The following DACH1 variants were observed in gnomAD, a reference collection of about 807,000 sequenced individuals.
The protein encoded by DACH1 is dachshund family transcription factor 1, also known as dachshund homolog 1.
A neutral mutation model predicts 54.2 loss-of-function variants in DACH1; 12 were observed. That is an observed-to-expected ratio of 0.22 (90% CI 0.14 to 0.36). DACH1 has a LOEUF of 0.36. Among genes scored for constraint, DACH1 ranks in the 10% least tolerant of loss-of-function variants. DACH1 has a pLI of 1.00. For missense variants in DACH1, 805 were observed against 929.8 expected (o/e 0.87, Z 1.75); for synonymous variants, 386 against 366.2 (o/e 1.05, Z -0.62).
At chr13:71,585,053 T>C (rs1593937411) in intron 3 of DACH1, among the ~76,000 whole-genome samples, 1 of 152,146 alleles carries the variant, frequency 6.6e-6, no homozygotes, top group South Asian at 2.1e-4. Flanking sequence ...AAAATAGACA[T>C]TGAAATCATT....
chr13:71,866,494 T>A lies in DACH1; in HGVS notation c.276A>T (p.Gly92=). ...SGGGGGSSGN[G]GGGGGGGGGS... is the part of the protein sequence containing the mutation. ...CACCGCCGCCGCCGCCACCGCCGCCTCCGTTGCCGCTGCTGCCGCCGCCGC... is the reference window on the plus strand; with the variant it reads ...CACCGCCGCCGCCGCCACCGCCGCCACCGTTGCCGCTGCTGCCGCCGCCGC... Residue 92 remains glycine, a synonymous_variant, in exon 1 of 11, where the codon GGA becomes GGT. Coordinates refer to ENST00000613252, the MANE Select transcript of DACH1 (RefSeq NM_080759.6). 8.2e-7 allele frequency: 1 copy of A among 1,226,928 alleles called. No individual in the cohort carries two copies. The highest frequency in any genetic ancestry group is 1.0e-6 in the Non-Finnish European group (1 of 984,790). 76.0% of individuals were successfully genotyped at this position (1,226,928 alleles called of 1,614,324 possible).
chr13:71,695,946 T>A (rs1319139806), intron 1 of DACH1, among the ~76,000 whole-genome samples: 1 of 152,176 alleles, frequency 6.6e-6, no homozygotes, highest in East Asian at 1.9e-4. Flanking sequence ...ACTATGACAC[T>A]CATACTTAGG....
rs914566476 is a variant in DACH1 at position 71,572,286 on chromosome 13, G to A, written c.1299+554C>T. Among the ~76,000 whole-genome samples, 8 of 151,996 alleles carry A rather than the reference G, an allele frequency of 5.3e-5. No individual in the cohort carries two copies. In the East Asian group the frequency reaches 5.8e-4, roughly 11 times the overall value. On this transcript the variant is annotated intron_variant, in intron 4 of 10. Coordinates refer to ENST00000613252, the MANE Select transcript of DACH1 (RefSeq NM_080759.6). ...ACAGATACACAGGGATAGAGGAGAC[G>A]GAATTGTGTATATATGCACATATGA... is the stretch of plus-strand genomic sequence containing the variant.
chr13:71,843,123 G>A (rs1002071017), intron 1 of DACH1, among the ~76,000 whole-genome samples: 2 of 151,692 alleles, frequency 1.3e-5, no homozygotes, highest in African/African-American at 2.4e-5. Flanking sequence ...AGGTGTATAC[G>A]TTACATGTTT....
chr13:71,463,109 A>G (rs1876245019), intron 10 of DACH1, among the ~76,000 whole-genome samples: 1 of 152,008 alleles, frequency 6.6e-6, no homozygotes. Flanking sequence ...CTCTCAGTTC[A>G]GCACTACTCT....
At chr13:71,801,021 T>A (rs546619898) in intron 1 of DACH1, among the ~76,000 whole-genome samples, 2 of 152,250 alleles carry the variant, frequency 1.3e-5, no homozygotes, top group South Asian at 4.1e-4. Flanking sequence ...ATAAAATATT[T>A]CAGAAGCCTT....
At chr13:71,524,671 T>C (rs1487209678) in intron 6 of DACH1, among the ~76,000 whole-genome samples, 1 of 152,146 alleles carries the variant, frequency 6.6e-6, no homozygotes, top group East Asian at 1.9e-4. Flanking sequence ...GCTTTTTTTC[T>C]TTTTTGGTGA....
intron 1 of DACH1, among the ~76,000 whole-genome samples, chr13:71,815,131 T>C (rs1404359799): frequency 2.0e-5 from 3 of 152,204 alleles, no homozygotes; most frequent in African/African-American, 7.2e-5. Context: ...TGCTTGACAC[T>C]TTGTTATGAC....
chr13:71,777,387 T>C (rs1263398270), intron 1 of DACH1, among the ~76,000 whole-genome samples: 1 of 152,130 alleles, frequency 6.6e-6, no homozygotes, highest in African/African-American at 2.4e-5. Context: ...GACATCTATA[T>C]CATAGGGTTA....
chr13:71,569,828 A>T (rs192594782), intron 4 of DACH1, among the ~76,000 whole-genome samples: 1 of 152,222 alleles, frequency 6.6e-6, no homozygotes, highest in African/African-American at 2.4e-5. Context: ...CATCTCTCAA[A>T]GTTCTATTTT....
At chr13:71,538,962 C>T (rs1593856812) in intron 6 of DACH1, among the ~76,000 whole-genome samples, 1 of 151,988 alleles carries the variant, frequency 6.6e-6, no homozygotes, top group South Asian at 2.1e-4. Context: ...ATGTTTATCA[C>T]ATAAAAGTCA....
chr13:71,824,242 A>G (rs1027722148), intron 1 of DACH1, among the ~76,000 whole-genome samples: 2 of 151,828 alleles, frequency 1.3e-5, no homozygotes, highest in Non-Finnish European at 2.9e-5. Flanking sequence ...TATTATTGGT[A>G]TTATTATTAT....
intron 1 of DACH1, among the ~76,000 whole-genome samples, chr13:71,724,505 A>G (rs370147302): frequency 6.6e-6 from 1 of 152,296 alleles, no homozygotes; most frequent in East Asian, 1.9e-4. Flanking sequence ...ACATTTGCCT[A>G]AAACCTGCTC....
At chr13:71,454,069 C>T (rs1276297604) in intron 10 of DACH1, among the ~76,000 whole-genome samples, 4 of 147,072 alleles carry the variant, frequency 2.7e-5, no homozygotes, top group Admixed American at 2.1e-4. Context: ...AGGCAAGAAG[C>T]ACATTGACAG....
At chr13:71,855,222 C>A (rs941341544) in intron 1 of DACH1, among the ~76,000 whole-genome samples, 7 of 151,924 alleles carry the variant, frequency 4.6e-5, no homozygotes, top group African/African-American at 1.7e-4. Context: ...AATAAAAAGT[C>A]TTTGGAATTC....
At chr13:71,632,436 T>TA (rs1294020065) in intron 2 of DACH1, among the ~76,000 whole-genome samples, 1 of 142,482 alleles carries the variant, frequency 7.0e-6, no homozygotes, top group Non-Finnish European at 1.5e-5. Context: ...TTTTTTTTTT[T>TA]ACTGTGGCTT....
chr13:71,579,298 A>C (rs1303913981), intron 3 of DACH1, among the ~76,000 whole-genome samples: 3 of 152,122 alleles, frequency 2.0e-5, no homozygotes, highest in Non-Finnish European at 4.4e-5. Context: ...TGCCCTATAT[A>C]CTCCACAATG....
Position 71,578,539 on chromosome 13 carries a change from C to A in DACH1, c.1127-5527G>T, listed in dbSNP as rs1432270712. On this transcript the variant is annotated intron_variant, in intron 3 of 10. Transcript: ENST00000613252. ...ATTTTGCATGAGTTGCGGAAACAGT[C>A]CTTTCATGAAAGTTATTGTAATATA... Among the ~76,000 whole-genome samples the A allele has an allele frequency of 2.6e-5, 4 of 152,168 alleles. No individual in the cohort carries two copies. In the East Asian group the frequency reaches 7.7e-4, roughly 29 times the overall value.
intron 2 of DACH1, among the ~76,000 whole-genome samples, chr13:71,638,670 C>T (rs1368922272): frequency 3.3e-5 from 5 of 152,096 alleles, no homozygotes; most frequent in Non-Finnish European, 7.4e-5. Flanking sequence ...TATTAAATTA[C>T]TTCAACCAGA....
Sources: gnomAD v4.1 joint callset for allele counts (sites outside exome capture counted in the v4.1 genomes callset) on GRCh38, gnomAD v4.1.1 for gene constraint, MANE v1.5 for transcripts, NCBI Gene and HGNC (gene_info 2026-07-23, HGNC 2026-07-21) for gene names.